HENMT1: variants seen among roughly 807,000 people sequenced by gnomAD.
HENMT1 encodes the protein small RNA 2'-O-methyltransferase.
In HENMT1, 27 loss-of-function variants were observed where a neutral mutation model predicts 31.1. The ratio of observed to expected loss-of-function variants is 0.87; its 90% CI spans 0.64 to 1.20. The LOEUF is 1.20. HENMT1 is among the 50% of genes most tolerant of loss of function. The pLI, the probability that HENMT1 is intolerant of heterozygous loss-of-function variation, is 0.00. For missense variants in HENMT1, 438 were observed against 469.6 expected (o/e 0.93, Z 0.62); for synonymous variants, 167 against 172.2 (o/e 0.97, Z 0.24).
chr1:108,651,056 C>T lies in HENMT1; in HGVS notation c.552G>A (p.Glu184=). 1.2e-6 allele frequency: 2 copies of T among 1,613,930 alleles called. No individual in the cohort carries two copies. Among genetic ancestry groups the T allele is most frequent in the Non-Finnish European group, 8.5e-7 (1 of 1,179,858 alleles). Residue 184 remains glutamate (E), a synonymous_variant, in exon 6 of 8, where the codon GAG becomes GAA. Coordinates refer to ENST00000651461, the MANE Select transcript of HENMT1 (RefSeq NM_001102592.2). Reference sequence around the variant, plus strand: ...AGGTCTGAAACTCCATTCTGGTCCACTCAAATTTATGATCTGAATCTCTTA... The same window carrying T: ...AGGTCTGAAACTCCATTCTGGTCCATTCAAATTTATGATCTGAATCTCTTA... ...VTLRDSDHKF[E]WTRMEFQTWA...
Position 108,660,141 on chromosome 1 carries a change from C to T in HENMT1, c.-78-179G>A, listed in dbSNP as rs892451192. On this transcript the variant is annotated intron_variant, in intron 1 of 7. Transcript: ENST00000651461. Reference sequence around the variant, plus strand: ...GTACTCAAAAAAAAAAAAAAAAACACGAAAGCAGGACTCGAACAGATATTT... The same window carrying T: ...GTACTCAAAAAAAAAAAAAAAAACATGAAAGCAGGACTCGAACAGATATTT... Among the ~76,000 whole-genome samples, 6 of 117,406 alleles carry T rather than the reference C, an allele frequency of 5.1e-5. No individual in the cohort carries two copies. In the South Asian group the frequency reaches 1.6e-3, roughly 30 times the overall value. 77.0% of individuals were successfully genotyped at this position (117,406 alleles called of 152,430 possible).
chr1:108,650,448 G>T, intron 6 of HENMT1, 60 bp from the exon 7 acceptor site: 1 of 1,440,018 alleles, frequency 6.9e-7, no homozygotes, highest in Non-Finnish European at 9.5e-7. Context: ...GTTAAATAAG[G>T]AACCATTTCT....
rs778659573 is a variant in HENMT1, at chr1:108,649,022, G to T, written c.757-31C>A. ...GGGAAAAAACAAAACACTTACAAGT[G>T]TATAATAATATAAACATACATAAAT... On this transcript the variant is annotated intron_variant, in intron 7 of 7. Coordinates refer to ENST00000651461, the MANE Select transcript of HENMT1 (RefSeq NM_001102592.2). 6.6e-6 allele frequency: 10 copies of T among 1,506,822 alleles called. No individual in the cohort carries two copies. In the African/African-American group the frequency reaches 1.4e-4, roughly 21 times the overall value. 93.3% of individuals were successfully genotyped at this position (1,506,822 alleles called of 1,614,324 possible).
intron 5 of HENMT1, 67 bp downstream of exon 5, chr1:108,654,649 A>T: frequency 2.7e-6 from 4 of 1,504,112 alleles, no homozygotes; most frequent in Non-Finnish European, 3.7e-6. Context: ...TTAGGACACT[A>T]AGATCACTGA....
chr1:108,650,332 TC>T lies in HENMT1; in HGVS notation c.634del (p.Glu212AsnfsTer15). 6.2e-7 allele frequency: 1 copy of T among 1,614,114 alleles called. No homozygotes were observed. Among genetic ancestry groups the T allele is most frequent in the Non-Finnish European group, 8.5e-7 (1 of 1,179,984 alleles). On this transcript the variant is annotated frameshift_variant, in exon 7 of 8. Transcript: ENST00000651461. LOFTEE classifies it high-confidence loss of function. ...DYSVEFTGVG[E>X]PPAGAENVGY... ...AACATTCTCAGCTCCAGCTGGTGGTTCCCCGACACCAGTAAACTCCACAGAG... is the reference window on the plus strand; with the variant it reads ...AACATTCTCAGCTCCAGCTGGTGGTTCCCGACACCAGTAAACTCCACAGAG...
At chr1:108,651,006 A>C (rs1658036378) in intron 6 of HENMT1, 24 bp downstream of exon 6, 2 of 1,559,412 alleles carry the variant, frequency 1.3e-6, no homozygotes, top group Non-Finnish European at 1.8e-6. Context: ...GATCCCAAAT[A>C]AACAAAAACC....
chr1:108,656,246 C>G (rs908850298), intron 3 of HENMT1, among the ~76,000 whole-genome samples: 1 of 152,076 alleles, frequency 6.6e-6, no homozygotes, highest in Non-Finnish European at 1.5e-5. Context: ...AAACTAATAC[C>G]TACGCCTTTG....
chr1:108,656,839 C>T (rs1474765878), intron 3 of HENMT1, among the ~76,000 whole-genome samples: 1 of 152,192 alleles, frequency 6.6e-6, no homozygotes, highest in East Asian at 1.9e-4. Context: ...TAACTAAATG[C>T]TCTAGAAGTA....
In HENMT1 at chr1:108,654,682, G is replaced by A. The variant is rs1209230740; in HGVS notation, c.398+34C>T. The A allele has an allele frequency of 1.9e-6, 3 of 1,594,568 alleles. No homozygotes were observed. In the South Asian group the frequency reaches 3.4e-5, roughly 18 times the overall value. ...TGAGACTTATTCAGGCTTTTCAAAT[G>A]AACAGTTATACAGTGTATCAGTTTA... is the stretch of plus-strand genomic sequence containing the variant. On this transcript the variant is annotated intron_variant, in intron 5 of 7. Coordinates refer to ENST00000651461, the MANE Select transcript of HENMT1 (RefSeq NM_001102592.2).
Position 108,659,981 on chromosome 1 carries a change from C to T in HENMT1, c.-78-19G>A, listed in dbSNP as rs1472191390. On this transcript the variant is annotated intron_variant, in intron 1 of 7. Coordinates refer to ENST00000651461, the MANE Select transcript of HENMT1 (RefSeq NM_001102592.2). ...GACTCAGCTGTAATAAATACAAAAC[C>T]GTTTTTGTAAAGCGATACCTGAAAG... 2 of 1,404,516 alleles carry T rather than the reference C, an allele frequency of 1.4e-6. No homozygotes were observed. Among genetic ancestry groups the T allele is most frequent in the Non-Finnish European group, 1.9e-6 (2 of 1,061,656 alleles). The allele number at this position is 1,404,516 out of a possible 1,614,324, so 87.0% of individuals were successfully genotyped here.
At chr1:108,650,935 A>C in intron 6 of HENMT1, 95 bp downstream of exon 6, 1 of 851,184 alleles carries the variant, frequency 1.2e-6, no homozygotes, top group South Asian at 1.8e-5. Context: ...AGAAAGTACA[A>C]AACAATTTAG....
At chr1:108,651,331 T>C in intron 5 of HENMT1, 122 bp from the exon 6 acceptor site, 1 of 778,770 alleles carries the variant, frequency 1.3e-6, no homozygotes, top group Non-Finnish European at 2.1e-6. Flanking sequence ...GAATATGTAA[T>C]AATGCTTATA....
In HENMT1 at chr1:108,650,250, T is replaced by G; in HGVS notation, c.717A>C (p.Ser239=). 3 of 1,614,154 alleles carry G rather than the reference T, an allele frequency of 1.9e-6. No homozygotes were observed. Among genetic ancestry groups the G allele is most frequent in the Non-Finnish European group, 1.7e-6 (2 of 1,179,990 alleles). ...GCTGATCATGCTGCTCTGAAAGACATGATTCTGTTGCCTTTCCTCCATTTT... is the reference window on the plus strand; with the variant it reads ...GCTGATCATGCTGCTCTGAAAGACAGGATTCTGTTGCCTTTCCTCCATTTT... The part of the protein sequence containing the change: ...FRKNGGKATE[S]CLSEQHDQHV... The change falls in exon 7 of 8, where the codon TCA becomes TCC. Residue 239 remains serine (S), a synonymous_variant. Coordinates refer to ENST00000651461, the MANE Select transcript of HENMT1 (RefSeq NM_001102592.2).
chr1:108,651,943 A>G (rs1450373897), intron 5 of HENMT1, among the ~76,000 whole-genome samples: 3 of 152,192 alleles, frequency 2.0e-5, no homozygotes, highest in Non-Finnish European at 1.5e-5. Flanking sequence ...AAGGAGGACA[A>G]AATCACTTCT....
In HENMT1 at chr1:108,651,118, T is replaced by C; in HGVS notation, c.490A>G (p.Asn164Asp). Reference sequence around the variant, plus strand: ...GGAAACAGGGGATTGAATTCAGAGTTTGGTGTGCTGATGACAATCATGGAT... The same window carrying C: ...GGAAACAGGGGATTGAATTCAGAGTCTGGTGTGCTGATGACAATCATGGAT... ...SPSMIVISTP[N>D]SEFNPLFPSV... is the part of the protein sequence containing the mutation. The change falls in exon 6 of 8, where the codon AAC becomes GAC. Residue 164 changes from asparagine (N) to aspartate (D), a missense_variant. Coordinates refer to ENST00000651461, the MANE Select transcript of HENMT1 (RefSeq NM_001102592.2). The C allele has an allele frequency of 1.9e-6, 3 of 1,613,924 alleles. No individual in the cohort carries two copies. The South Asian group carries it at 3.3e-5, about 18-fold the overall frequency.
chr1:108,661,113 G>T, upstream of HENMT1: 1 of 548,646 alleles, frequency 1.8e-6, no homozygotes, highest in Non-Finnish European at 2.3e-6. Flanking sequence ...CGGCCTCGCT[G>T]CGTGACGCTA....
intron 5 of HENMT1, chr1:108,651,450 G>A (rs1658051910): frequency 7.4e-6 from 3 of 405,896 alleles, no homozygotes; most frequent in African/African-American, 4.1e-5. Context: ...TTAAAGACCA[G>A]CCCGGCCAAC....
In HENMT1 at chr1:108,655,684, T is replaced by C; in HGVS notation, c.165A>G (p.Gly55=). The C allele has an allele frequency of 5.0e-6, 8 of 1,608,678 alleles. No individual in the cohort carries two copies. Among genetic ancestry groups the C allele is most frequent in the Non-Finnish European group, 6.8e-6 (8 of 1,177,014 alleles). The change falls in exon 4 of 8, where the codon GGA becomes GGG. Residue 55 remains glycine (G), a synonymous_variant. Transcript: ENST00000651461. ...QHEPKKVADL[G]CGDTSLLRLL... is the part of the protein sequence containing the mutation. ...GCCTTAAGAGTGAAGTATCACCACA[T>C]CCCAGGTCTGCAACCTGTAGATGAG...
intron 5 of HENMT1, among the ~76,000 whole-genome samples, chr1:108,653,184 T>G (rs1281000255): frequency 6.6e-6 from 1 of 151,854 alleles, no homozygotes; most frequent in East Asian, 2.0e-4. Flanking sequence ...CAGCTAATTT[T>G]TTTGTATTTT....
Sources: allele counts gnomAD v4.1 joint callset (sites outside exome capture counted in the v4.1 genomes callset), GRCh38; gene constraint gnomAD v4.1.1; transcripts MANE v1.5; gene names NCBI Gene and HGNC (gene_info 2026-07-23, HGNC 2026-07-21).